Variants in RAF1 observed in about 807,000 individuals in gnomAD.
RAF1 encodes RAF proto-oncogene serine/threonine-protein kinase.
Under a neutral mutation model 81.1 loss-of-function variants are expected in RAF1, and 27 were observed. That is an observed-to-expected ratio of 0.33 (90% CI 0.25 to 0.46). The LOEUF is 0.46. RAF1 is among the 20% of genes least tolerant of loss of function. RAF1 has a pLI of 1.00. For missense variants in RAF1, 598 were observed against 826.0 expected (o/e 0.72, Z 3.38); for synonymous variants, 298 against 294.0 (o/e 1.01, Z -0.14).
chr3:12,651,868 G>A (rs942701339), intron 1 of RAF1, among the ~76,000 whole-genome samples: 4 of 151,260 alleles, frequency 2.6e-5, no homozygotes, highest in African/African-American at 7.3e-5. Context: ...AATTAGCCAG[G>A]TGTGGTGGCG....
At chr3:12,631,726 G>C (rs1203722045) in intron 1 of RAF1, among the ~76,000 whole-genome samples, 1 of 152,208 alleles carries the variant, frequency 6.6e-6, no homozygotes, top group Non-Finnish European at 1.5e-5. Context: ...CACAGGAGAT[G>C]AGAGAGGGTG....
chr3:12,623,915 C>T (rs547847887), intron 1 of RAF1, among the ~76,000 whole-genome samples: 1 of 149,204 alleles, frequency 6.7e-6, no homozygotes, highest in South Asian at 2.1e-4. Flanking sequence ...AATGCAGTGG[C>T]GCGATCTTGG....
intron 1 of RAF1, among the ~76,000 whole-genome samples, chr3:12,636,850 A>G (rs574481650): frequency 6.6e-6 from 1 of 152,108 alleles, no homozygotes; most frequent in Non-Finnish European, 1.5e-5. Context: ...ACATCAATGA[A>G]CAGCAGCGGC....
intron 1 of RAF1, among the ~76,000 whole-genome samples, chr3:12,657,716 C>CTGAG (rs2060741762): frequency 6.6e-6 from 1 of 151,558 alleles, no homozygotes. Context: ...TTGCGGTGAG[C>CTGAG]TGAGATTGTG....
intron 1 of RAF1, among the ~76,000 whole-genome samples, chr3:12,631,553 C>A (rs750723017): frequency 2.0e-5 from 3 of 152,084 alleles, no homozygotes; most frequent in Non-Finnish European, 4.4e-5. Flanking sequence ...GAGCCGAGAT[C>A]GCGCCACTGC....
chr3:12,627,298 T>A (rs1017067645), intron 1 of RAF1, among the ~76,000 whole-genome samples: 52 of 152,218 alleles, frequency 3.4e-4, no homozygotes, highest in Admixed American at 9.8e-4. Context: ...TAGGTTTACC[T>A]GGTTCCAAGC....
chr3:12,584,796 T>G (rs1250838569), intron 17 of RAF1, 51 bp downstream of exon 16: 1 of 1,613,946 alleles, frequency 6.2e-7, no homozygotes, highest in Non-Finnish European at 8.5e-7. Flanking sequence ...TATTGCCATC[T>G]TTACGAACCA....
intron 1 of RAF1, among the ~76,000 whole-genome samples, chr3:12,624,909 CAA>C (rs2059659376): frequency 1.4e-5 from 2 of 140,070 alleles, no homozygotes; most frequent in Non-Finnish European, 3.1e-5. Flanking sequence ...AAAACAAAAA[CAA>C]AAACAAGGAG....
intron 8 of RAF1, among the ~76,000 whole-genome samples, chr3:12,600,837 C>T (rs1002045120): frequency 7.2e-5 from 11 of 152,228 alleles, no homozygotes; most frequent in African/African-American, 2.7e-4. Flanking sequence ...GCTGGGATTA[C>T]AGGCGTGAGC....
Position 12,635,006 on chromosome 3 carries a change from C to T in RAF1, c.-26-16259G>A, listed in dbSNP as rs116219314. Among the ~76,000 whole-genome samples, 796 of 152,158 alleles carry T rather than the reference C, an allele frequency of 5.2e-3. 8 individuals are homozygous for T. The highest frequency in any genetic ancestry group is 0.018 in the African/African-American group (749 of 41,510). On this transcript the variant is annotated intron_variant, in intron 1 of 17. Transcript: ENST00000442415. ...ATAAGGAAAAAGTCTCAGTTAGGTGCTAGTATATGTTTAATACTTCTTTAA... is the reference window on the plus strand; with the variant it reads ...ATAAGGAAAAAGTCTCAGTTAGGTGTTAGTATATGTTTAATACTTCTTTAA...
chr3:12,646,185 G>A (rs1286993806), intron 1 of RAF1, among the ~76,000 whole-genome samples: 1 of 152,040 alleles, frequency 6.6e-6, no homozygotes, highest in Non-Finnish European at 1.5e-5. Context: ...TGTCACCTAG[G>A]CTGGAAGTGC....
At chr3:12,604,711 A>C (rs188832102) in intron 6 of RAF1, among the ~76,000 whole-genome samples, 78 of 152,332 alleles carry the variant, frequency 5.1e-4, no homozygotes, top group Middle Eastern at 3.4e-3. Flanking sequence ...AGACGTGCTG[A>C]GCATGTCTGT....
At chr3:12,642,103 G>A (rs1345965392) in intron 1 of RAF1, among the ~76,000 whole-genome samples, 4 of 151,890 alleles carry the variant, frequency 2.6e-5, no homozygotes, top group Middle Eastern at 3.2e-3. Flanking sequence ...AGCCCAGATC[G>A]TGCCATTGCA....
intron 2 of RAF1, 98 bp from the exon 3 acceptor site, chr3:12,612,160 T>C (rs1044525471): frequency 1.3e-5 from 12 of 910,722 alleles, no homozygotes; most frequent in African/African-American, 8.1e-5. Flanking sequence ...TTGCTTGTGA[T>C]GGCCCACGCA....
At chr3:12,602,802 G>T (rs533859377) in intron 8 of RAF1, among the ~76,000 whole-genome samples, 35 of 152,294 alleles carry the variant, frequency 2.3e-4, no homozygotes, top group Non-Finnish European at 5.0e-4. Context: ...TGTTGAAAGT[G>T]ATTTGAGGTC....
At chr3:12,610,489 G>T (rs1243038270) in intron 3 of RAF1, among the ~76,000 whole-genome samples, 1 of 152,162 alleles carries the variant, frequency 6.6e-6, no homozygotes, top group Non-Finnish European at 1.5e-5. Context: ...TGCAGCCTTG[G>T]ATGAGAGTAG....
intron 1 of RAF1, among the ~76,000 whole-genome samples, chr3:12,625,751 G>A (rs1340644085): frequency 6.6e-6 from 1 of 152,120 alleles, no homozygotes; most frequent in Non-Finnish European, 1.5e-5. Context: ...GAGGCCAGGA[G>A]TTCGAGGCTG....
At chr3:12,639,797 G>C (rs1483816044) in intron 1 of RAF1, among the ~76,000 whole-genome samples, 2 of 152,126 alleles carry the variant, frequency 1.3e-5, no homozygotes, top group Non-Finnish European at 2.9e-5. Flanking sequence ...TACTGCCCAA[G>C]GTAATTTATA....
intron 2 of RAF1, among the ~76,000 whole-genome samples, chr3:12,613,069 A>G (rs2059266511): frequency 6.6e-6 from 1 of 152,164 alleles, no homozygotes; most frequent in Non-Finnish European, 1.5e-5. Context: ...TGTGCACACC[A>G]TACCAAGCAG....
Sources: gnomAD v4.1 joint callset for allele counts (sites outside exome capture counted in the v4.1 genomes callset) on GRCh38, gnomAD v4.1.1 for gene constraint, MANE v1.5 for transcripts, NCBI Gene and HGNC (gene_info 2026-07-23, HGNC 2026-07-21) for gene names.